Variants in SLC24A2 observed in about 807,000 individuals in gnomAD.
SLC24A2 encodes sodium/potassium/calcium exchanger 2.
A neutral mutation model predicts 62.0 loss-of-function variants in SLC24A2; 36 were observed. The ratio of observed to expected loss-of-function variants is 0.58; its 90% CI spans 0.44 to 0.77. The LOEUF is 0.77. Ranked by LOEUF, SLC24A2 falls within the 30% of genes least tolerant of loss-of-function variation. The pLI is 0.00. For missense variants in SLC24A2, 846 were observed against 817.9 expected (o/e 1.03, Z -0.42); for synonymous variants, 358 against 294.0 (o/e 1.22, Z -2.23).
At chr9:19,852,571 T>C in the SLC24A2 span, among the ~76,000 whole-genome samples, 1 of 152,174 alleles carries the variant, frequency 6.6e-6, no homozygotes, top group African/African-American at 2.4e-5. Flanking sequence ...ATTTATTAAA[T>C]AGGAAATCCT....
chr9:19,676,319 G>A (rs1389823643), intron 2 of SLC24A2, among the ~76,000 whole-genome samples: 1 of 152,202 alleles, frequency 6.6e-6, no homozygotes, highest in African/African-American at 2.4e-5. Flanking sequence ...AGTTCTTGGA[G>A]CACAAGTTCA....
chr9:20,080,893 G>C, the SLC24A2 span, among the ~76,000 whole-genome samples: 3 of 151,480 alleles, frequency 2.0e-5, no homozygotes, highest in Non-Finnish European at 2.9e-5. Context: ...ACCATCACTG[G>C]CCATCAGAGA....
intron 2 of SLC24A2, among the ~76,000 whole-genome samples, chr9:19,622,535 C>T (rs773966204): frequency 1.7e-4 from 26 of 152,094 alleles, no homozygotes; most frequent in Non-Finnish European, 1.8e-4. Context: ...ATGGCCAACC[C>T]GAATGTCCAG....
At chr9:19,704,404 AGT>A (rs35909298) in intron 2 of SLC24A2, among the ~76,000 whole-genome samples, 10 of 151,808 alleles carry the variant, frequency 6.6e-5, no homozygotes, top group African/African-American at 2.4e-4. Context: ...AGAGAGAGAG[AGT>A]GTGTGTATGT....
At chr9:20,176,747 C>T in the SLC24A2 span, among the ~76,000 whole-genome samples, 2 of 152,032 alleles carry the variant, frequency 1.3e-5, no homozygotes, top group African/African-American at 4.8e-5. Flanking sequence ...CTATTTTTCC[C>T]TTGCTAGTTT....
the SLC24A2 span, among the ~76,000 whole-genome samples, chr9:20,068,464 T>C: frequency 2.0e-5 from 3 of 152,078 alleles, no homozygotes; most frequent in Non-Finnish European, 4.4e-5. Context: ...GGTTCACAGA[T>C]CCTAACATAT....
chr9:19,676,158 G>A (rs750116095), intron 2 of SLC24A2, among the ~76,000 whole-genome samples: 3 of 152,308 alleles, frequency 2.0e-5, no homozygotes, highest in African/African-American at 7.2e-5. Flanking sequence ...CCCAGTGATG[G>A]TGTGTGTTCA....
the SLC24A2 span, among the ~76,000 whole-genome samples, chr9:20,009,213 A>G: frequency 2.0e-5 from 3 of 152,054 alleles, no homozygotes; most frequent in Non-Finnish European, 4.4e-5. Flanking sequence ...AAACACTGAG[A>G]GTAACAGCAG....
At chr9:19,688,200 G>A (rs1819941051) in intron 2 of SLC24A2, among the ~76,000 whole-genome samples, 1 of 152,120 alleles carries the variant, frequency 6.6e-6, no homozygotes, top group African/African-American at 2.4e-5. Flanking sequence ...CTAATACCCT[G>A]CGAAAAGAGC....
chr9:19,874,139 G>A, the SLC24A2 span, among the ~76,000 whole-genome samples: 43 of 142,658 alleles, frequency 3.0e-4, no homozygotes, highest in African/African-American at 1.1e-3. Context: ...GAGTGCAGTG[G>A]CATGATCTTG....
chr9:20,191,679 A>G, the SLC24A2 span, among the ~76,000 whole-genome samples: 1 of 151,482 alleles, frequency 6.6e-6, no homozygotes, highest in African/African-American at 2.4e-5. Context: ...GGCAAACTAG[A>G]TATCCATTAA....
Position 19,508,337 on chromosome 9 carries a change from G to A in SLC24A2, c.*7816C>T, listed in dbSNP as rs1476039961. ...TAACAGAGGAATATCACTGGCCCTT[G>A]GTTCAGATACCCTTTCTTTAGGGCA... On this transcript the variant is annotated 3_prime_UTR_variant, in exon 11 of 11. Coordinates refer to ENST00000341998, the MANE Select transcript of SLC24A2 (RefSeq NM_020344.4). 1 of 152,100 alleles carries A rather than the reference G, an allele frequency of 6.6e-6. No homozygotes were observed. Among genetic ancestry groups the A allele is most frequent in the Non-Finnish European group, 1.5e-5 (1 of 68,034 alleles). 9.4% of individuals were successfully genotyped at this position (152,100 alleles called of 1,614,324 possible).
At position 19,580,170 on chromosome 9, in the gene SLC24A2, C is replaced by G. The variant is rs1171217412; in HGVS notation, c.1130-3148G>C. On this transcript the variant is annotated intron_variant, in intron 5 of 10. Coordinates refer to ENST00000341998, the MANE Select transcript of SLC24A2 (RefSeq NM_020344.4). ...GGCTGCTTGGGAGCTGTCTTCTCCACAGACCTCTTCAACTTCTGCAACTCA... is the reference window on the plus strand; with the variant it reads ...GGCTGCTTGGGAGCTGTCTTCTCCAGAGACCTCTTCAACTTCTGCAACTCA... Among the ~76,000 whole-genome samples the G allele has an allele frequency of 1.3e-5, 2 of 152,348 alleles. 1 individual carries two copies. Among genetic ancestry groups the G allele is most frequent in the Admixed American group, 1.3e-4 (2 of 15,304 alleles).
At chr9:20,217,103 G>T in the SLC24A2 span, among the ~76,000 whole-genome samples, 4 of 151,958 alleles carry the variant, frequency 2.6e-5, no homozygotes, top group African/African-American at 9.7e-5. Context: ...AATGGATTGT[G>T]GTATAGTCAC....
At chr9:19,752,702 AAGAG>A (rs5896861) in intron 2 of SLC24A2, among the ~76,000 whole-genome samples, 76,654 of 151,370 alleles carry the variant, frequency 0.51, 19,597 homozygotes, top group Non-Finnish European at 0.56. Context: ...CACTGAGAGA[AAGAG>A]AGAGAGAGAG....
chr9:19,670,214 A>C (rs1819376077), intron 2 of SLC24A2, among the ~76,000 whole-genome samples: 1 of 152,206 alleles, frequency 6.6e-6, no homozygotes, highest in Non-Finnish European at 1.5e-5. Context: ...GTAGGTGGTA[A>C]GTACAAGTAA....
chr9:19,684,046 G>A (rs1257953925), intron 2 of SLC24A2, among the ~76,000 whole-genome samples: 4 of 152,166 alleles, frequency 2.6e-5, no homozygotes, highest in Admixed American at 6.6e-5. Flanking sequence ...TGGATTGAAA[G>A]AAAATCAAGA....
At chr9:19,690,368 G>C (rs564554591) in intron 2 of SLC24A2, among the ~76,000 whole-genome samples, 5 of 152,204 alleles carry the variant, frequency 3.3e-5, no homozygotes, top group African/African-American at 1.2e-4. Flanking sequence ...CCCCACCTCT[G>C]GGCTGTAGGG....
chr9:19,774,977 C>T (rs1437262916), intron 2 of SLC24A2, among the ~76,000 whole-genome samples: 1 of 152,170 alleles, frequency 6.6e-6, no homozygotes, highest in African/African-American at 2.4e-5. Context: ...TGGAGATAAA[C>T]TAGTCCTTTC....
Sources: allele counts gnomAD v4.1 joint callset (sites outside exome capture counted in the v4.1 genomes callset), GRCh38; gene constraint gnomAD v4.1.1; transcripts MANE v1.5; gene names NCBI Gene and HGNC (gene_info 2026-07-23, HGNC 2026-07-21).